Variants in LRRTM4 observed in about 807,000 individuals in gnomAD.
LRRTM4 encodes leucine-rich repeat transmembrane neuronal protein 4.
A neutral mutation model predicts 47.6 loss-of-function variants in LRRTM4; 25 were observed. The observed-to-expected ratio is 0.53, with a 90% confidence interval of 0.38 to 0.73. The LOEUF is 0.73. LRRTM4 is among the 30% of genes least tolerant of loss of function. The pLI, the probability that LRRTM4 is intolerant of heterozygous loss-of-function variation, is 0.00. For synonymous variants in LRRTM4, 311 were observed against 269.5 expected, an observed-to-expected ratio of 1.15 and a Z score of -1.51; for missense variants, 638 against 713.4, an observed-to-expected ratio of 0.89 and a Z score of 1.20.
At chr2:76,954,647 C>T (rs59221356) in intron 3 of LRRTM4, among the ~76,000 whole-genome samples, 1 of 151,680 alleles carries the variant, frequency 6.6e-6, no homozygotes, top group East Asian at 1.9e-4. Flanking sequence ...CTAACGTGGT[C>T]TGAAATCTGG....
At chr2:76,783,756 G>C (rs193226921) in intron 3 of LRRTM4, among the ~76,000 whole-genome samples, 4 of 152,030 alleles carry the variant, frequency 2.6e-5, no homozygotes, top group Non-Finnish European at 4.4e-5. Flanking sequence ...GCTCCACTTG[G>C]ATATTTCTTG....
intron 3 of LRRTM4, among the ~76,000 whole-genome samples, chr2:77,119,740 T>C (rs899672322): frequency 6.6e-6 from 1 of 151,826 alleles, no homozygotes; most frequent in Non-Finnish European, 1.5e-5. Context: ...CTTACATACA[T>C]AGAATTACAT....
At chr2:77,169,686 A>T (rs904886889) in intron 3 of LRRTM4, among the ~76,000 whole-genome samples, 6 of 152,118 alleles carry the variant, frequency 3.9e-5, no homozygotes, top group Admixed American at 2.6e-4. Flanking sequence ...AAAATAATAC[A>T]TCAGCATGTA....
At chr2:77,414,963 A>G (rs1674582038) in intron 3 of LRRTM4, among the ~76,000 whole-genome samples, 3 of 152,136 alleles carry the variant, frequency 2.0e-5, no homozygotes, top group South Asian at 4.1e-4. Context: ...CAAAGAAGGG[A>G]GAGAAGATAG....
chr2:77,195,547 T>C (rs767589625), intron 3 of LRRTM4, among the ~76,000 whole-genome samples: 1 of 152,224 alleles, frequency 6.6e-6, no homozygotes, highest in Non-Finnish European at 1.5e-5. Context: ...TACTGCACTG[T>C]ATCTGTATGC....
At chr2:76,758,781 G>T (rs183925409) in intron 3 of LRRTM4, among the ~76,000 whole-genome samples, 24 of 152,180 alleles carry the variant, frequency 1.6e-4, no homozygotes, top group African/African-American at 4.8e-4. Flanking sequence ...TATTCACATG[G>T]TAAATATTTA....
chr2:77,133,402 G>T (rs1283056178), intron 3 of LRRTM4, among the ~76,000 whole-genome samples: 2 of 151,988 alleles, frequency 1.3e-5, no homozygotes, highest in African/African-American at 4.8e-5. Context: ...AGTCATATCT[G>T]CAGATAATGG....
At position 76,888,039 on chromosome 2, in the gene LRRTM4, GTATATATACATATATGTGTGTTTGTA is replaced by G. The variant is rs1250936238; in HGVS notation, c.1552-139149_1552-139124del. Among the ~76,000 whole-genome samples the G allele has an allele frequency of 2.0e-5, 3 of 149,328 alleles. No homozygotes were observed. The East Asian group carries it at 5.9e-4, about 29-fold the overall frequency. On this transcript the variant is annotated intron_variant, in intron 3 of 3. Coordinates refer to ENST00000409884, the MANE Select transcript of LRRTM4 (RefSeq NM_001134745.3). ...CCATCTCTGCACACACTGTGTGTGTGTATATATACATATATGTGTGTTTGTATATATATACATATATATACATATAT... is the reference window on the plus strand; with the variant it reads ...CCATCTCTGCACACACTGTGTGTGTGTATATATACATATATATACATATAT...
At position 77,133,403 on chromosome 2, in the gene LRRTM4, C is replaced by T. The variant is rs369256714; in HGVS notation, c.1552-384487G>A. Among the ~76,000 whole-genome samples, 89 of 152,190 alleles carry T rather than the reference C, an allele frequency of 5.8e-4. 2 individuals are homozygous for T. In the South Asian group the frequency reaches 0.017, roughly 29 times the overall value. ...TGCCTAAATCTGCTAGTCATATCTGCAGATAATGGATTATACTTGCCAAAG... is the reference window on the plus strand; with the variant it reads ...TGCCTAAATCTGCTAGTCATATCTGTAGATAATGGATTATACTTGCCAAAG... On this transcript the variant is annotated intron_variant, in intron 3 of 3. Transcript: ENST00000409884.
At position 76,806,698 on chromosome 2, in the gene LRRTM4, G is replaced by C. The variant is rs754589914; in HGVS notation, c.1552-57782C>G. The stretch of plus-strand genomic sequence containing the variant: ...AATACTGAAAAGAGAAGTTAAAAAT[G>C]TGCATAAAATTTAAAATCTACATTT... On this transcript the variant is annotated intron_variant, in intron 3 of 3. Coordinates refer to ENST00000409884, the MANE Select transcript of LRRTM4 (RefSeq NM_001134745.3). 1.1e-4 allele frequency among the ~76,000 whole-genome samples: 17 copies of C among 152,154 alleles called. 1 individual carries two copies. The highest frequency in any genetic ancestry group is 1.3e-4 in the Non-Finnish European group (9 of 67,998).
At chr2:77,006,766 G>A (rs1260739763) in intron 3 of LRRTM4, among the ~76,000 whole-genome samples, 1 of 152,150 alleles carries the variant, frequency 6.6e-6, no homozygotes, top group Non-Finnish European at 1.5e-5. Flanking sequence ...GTCTATGGCA[G>A]GTGGGAACAA....
intron 3 of LRRTM4, among the ~76,000 whole-genome samples, chr2:77,371,905 T>C (rs1436816095): frequency 6.6e-6 from 1 of 151,308 alleles, no homozygotes; most frequent in African/African-American, 2.4e-5. Context: ...TGTGCTAGAG[T>C]TTCATACTTA....
chr2:77,379,708 T>G (rs1309346739), intron 3 of LRRTM4, among the ~76,000 whole-genome samples: 1 of 152,150 alleles, frequency 6.6e-6, no homozygotes, highest in Non-Finnish European at 1.5e-5. Flanking sequence ...AATTCTGTTT[T>G]GTTTTGTTTT....
intron 3 of LRRTM4, among the ~76,000 whole-genome samples, chr2:77,243,227 T>A (rs531234152): frequency 1.1e-4 from 17 of 151,744 alleles, no homozygotes; most frequent in African/African-American, 4.1e-4. Context: ...AGCCTCAACA[T>A]GGAGAAACCC....
Position 77,288,323 on chromosome 2 carries a change from G to A in LRRTM4, c.1551+229995C>T, listed in dbSNP as rs114464922. 6.8e-3 allele frequency among the ~76,000 whole-genome samples: 1,027 copies of A among 151,550 alleles called. 4 individuals are homozygous for A. The highest frequency in any genetic ancestry group is 0.01 in the Non-Finnish European group (707 of 67,792). ...TACACTTTGAAGACAATACATAACC[G>A]AATATTGCTGAAAAATGATATGAAA... is the stretch of plus-strand genomic sequence containing the variant. On this transcript the variant is annotated intron_variant, in intron 3 of 3. Coordinates refer to ENST00000409884, the MANE Select transcript of LRRTM4 (RefSeq NM_001134745.3).
At chr2:76,986,752 C>G (rs948148648) in intron 3 of LRRTM4, among the ~76,000 whole-genome samples, 1 of 151,852 alleles carries the variant, frequency 6.6e-6, no homozygotes, top group Admixed American at 6.6e-5. Context: ...TGTTTGTACT[C>G]TTGGATTCAG....
chr2:76,816,627 A>G (rs12616803), intron 3 of LRRTM4, among the ~76,000 whole-genome samples: 1 of 151,750 alleles, frequency 6.6e-6, no homozygotes, highest in Admixed American at 6.6e-5. Context: ...ATAATCAGCC[A>G]CTATTACATA....
intron 3 of LRRTM4, among the ~76,000 whole-genome samples, chr2:77,491,092 GAGAA>G (rs904149893): frequency 7.9e-5 from 12 of 151,652 alleles, no homozygotes; most frequent in Non-Finnish European, 1.6e-4. Context: ...AAGAGAGAGA[GAGAA>G]ACAGACAGAG....
At chr2:76,836,283 C>T (rs1016772074) in intron 3 of LRRTM4, among the ~76,000 whole-genome samples, 2 of 151,988 alleles carry the variant, frequency 1.3e-5, no homozygotes, top group East Asian at 3.9e-4. Context: ...GCCTCGATTT[C>T]ATCATAAACA....
Sources: allele counts gnomAD v4.1 joint callset (sites outside exome capture counted in the v4.1 genomes callset), GRCh38; gene constraint gnomAD v4.1.1; transcripts MANE v1.5; gene names NCBI Gene and HGNC (gene_info 2026-07-23, HGNC 2026-07-21).